The following WDPCP variants were observed in gnomAD, a reference collection of about 807,000 sequenced individuals.
WDPCP encodes the protein WD repeat containing planar cell polarity effector.
WDPCP carries 71 observed loss-of-function variants against 93.1 expected under a neutral mutation model. The ratio of observed to expected loss-of-function variants is 0.76; its 90% CI spans 0.63 to 0.93. The LOEUF is 0.93. Ranked by LOEUF, WDPCP falls within the 40% of genes least tolerant of loss-of-function variation. The pLI, the probability that WDPCP is intolerant of heterozygous loss-of-function variation, is 0.00. For synonymous variants in WDPCP, 315 were observed against 315.0 expected (o/e 1.00, Z 0.00); for missense variants, 844 against 887.4 (o/e 0.95, Z 0.62).
At chr2:63,388,829 C>A (rs924270349) in intron 10 of WDPCP, among the ~76,000 whole-genome samples, 2 of 151,820 alleles carry the variant, frequency 1.3e-5, no homozygotes, top group Non-Finnish European at 2.9e-5. Flanking sequence ...TGAAATAAAA[C>A]GAGAAGACAA....
chr2:63,572,618 G>A (rs1384528799), intron 1 of WDPCP, among the ~76,000 whole-genome samples: 3 of 145,076 alleles, frequency 2.1e-5, no homozygotes, highest in African/African-American at 7.8e-5. Context: ...CAGGAGAATC[G>A]CTTGAACCTG....
rs551343844 is a variant in WDPCP, at chr2:63,172,085, G to A, written c.2078+2585C>T. Among the ~76,000 whole-genome samples, 11 of 152,278 alleles carry A rather than the reference G, an allele frequency of 7.2e-5. No individual in the cohort carries two copies. The South Asian group carries it at 1.9e-3, about 26-fold the overall frequency. On this transcript the variant is annotated intron_variant, in intron 15 of 17. Coordinates refer to ENST00000272321, the MANE Select transcript of WDPCP (RefSeq NM_015910.7). ...CATAAGGGAACTATTTGGGGGTGAT[G>A]GAAATGCTCTAAACCTAAACTGTGG...
chr2:63,778,332 C>T (rs1575770825), intron 2 of WDPCP, among the ~76,000 whole-genome samples: 1 of 152,238 alleles, frequency 6.6e-6, no homozygotes, highest in Non-Finnish European at 1.5e-5. Context: ...CTCAGCCTCC[C>T]AAGTAGCTGG....
chr2:63,529,945 G>A (rs1054946132), intron 1 of WDPCP, among the ~76,000 whole-genome samples: 1 of 152,136 alleles, frequency 6.6e-6, no homozygotes, highest in Non-Finnish European at 1.5e-5. Flanking sequence ...TATGTGTCTA[G>A]GAATTTATCC....
chr2:63,227,085 A>G (rs1256585786), intron 14 of WDPCP, among the ~76,000 whole-genome samples: 1 of 151,952 alleles, frequency 6.6e-6, no homozygotes, highest in Non-Finnish European at 1.5e-5. Flanking sequence ...AAATTTTCCT[A>G]AGGAAAAGGA....
chr2:63,157,228 A>G (rs1672321911), intron 15 of WDPCP, among the ~76,000 whole-genome samples: 1 of 151,846 alleles, frequency 6.6e-6, no homozygotes, highest in African/African-American at 2.4e-5. Context: ...CTAGTATACT[A>G]TTATTTTTAT....
chr2:63,684,428 C>G, intron 2 of WDPCP: 1 of 846,110 alleles, frequency 1.2e-6, no homozygotes, highest in Non-Finnish European at 2.0e-6. Flanking sequence ...ACAGCCACCT[C>G]TGGTGGCTGG....
At chr2:63,807,562 T>C (rs762473204) in intron 2 of WDPCP, among the ~76,000 whole-genome samples, 11 of 152,220 alleles carry the variant, frequency 7.2e-5, no homozygotes. Flanking sequence ...GCCTCAGGTA[T>C]TTCTTTATGG....
At chr2:63,269,029 T>C (rs1682403558) in intron 13 of WDPCP, among the ~76,000 whole-genome samples, 1 of 150,242 alleles carries the variant, frequency 6.7e-6, no homozygotes, top group Non-Finnish European at 1.5e-5. Flanking sequence ...TGTTTAGTCT[T>C]TTTTTTTTAT....
rs549402473 is a variant in WDPCP at position 63,120,725 on chromosome 2, G to A, written c.*1281C>T. The stretch of plus-strand genomic sequence containing the variant: ...TTTTTTTTGTATTTTTAGTAGAGAC[G>A]GGGTTTCACCATGTTGTCTAGGATG... On this transcript the variant is annotated 3_prime_UTR_variant, in exon 18 of 18. Coordinates refer to ENST00000272321, the MANE Select transcript of WDPCP (RefSeq NM_015910.7). Among the ~76,000 whole-genome samples the A allele has an allele frequency of 4.6e-5, 7 of 150,592 alleles. No individual in the cohort carries two copies. The highest frequency in any genetic ancestry group is 2.1e-4 in the South Asian group (1 of 4,748).
intron 10 of WDPCP, among the ~76,000 whole-genome samples, chr2:63,398,367 C>T (rs1693902313): frequency 6.6e-6 from 1 of 152,176 alleles, no homozygotes; most frequent in South Asian, 2.1e-4. Flanking sequence ...ATTATTGCCA[C>T]ATAAAGAGAT....
intron 2 of WDPCP, among the ~76,000 whole-genome samples, chr2:63,661,654 G>T (rs986275458): frequency 1.3e-5 from 2 of 152,176 alleles, no homozygotes; most frequent in Admixed American, 1.3e-4. Flanking sequence ...ACAATGTTCG[G>T]TTGTCAATCT....
At chr2:63,349,010 A>C (rs1013194168) in intron 12 of WDPCP, among the ~76,000 whole-genome samples, 12 of 152,192 alleles carry the variant, frequency 7.9e-5, no homozygotes, top group African/African-American at 2.7e-4. Flanking sequence ...TCTCATGGCC[A>C]CTTATGGAAA....
chr2:63,448,704 T>C (rs1199623878), intron 6 of WDPCP, among the ~76,000 whole-genome samples: 1 of 152,182 alleles, frequency 6.6e-6, no homozygotes, highest in Non-Finnish European at 1.5e-5. Flanking sequence ...AATTCTGTCA[T>C]TTGTGAGAAC....
chr2:63,606,209 C>T (rs1464336364), intron 3 of WDPCP, among the ~76,000 whole-genome samples: 1 of 152,068 alleles, frequency 6.6e-6, no homozygotes, highest in Admixed American at 6.6e-5. Flanking sequence ...TAGTGAGACC[C>T]CCTCTCTGCA....
At chr2:63,340,991 A>T (rs1688795061) in intron 12 of WDPCP, among the ~76,000 whole-genome samples, 1 of 151,972 alleles carries the variant, frequency 6.6e-6, no homozygotes, top group Admixed American at 6.6e-5. Flanking sequence ...TGACAATGTG[A>T]TTTCTTCTGG....
At chr2:63,797,995 A>G (rs1670640888) in intron 2 of WDPCP, among the ~76,000 whole-genome samples, 1 of 152,242 alleles carries the variant, frequency 6.6e-6, no homozygotes, top group Non-Finnish European at 1.5e-5. Context: ...TTTTCAGTGG[A>G]AACCTTACAG....
chr2:63,383,903 T>C (rs1299579577), intron 10 of WDPCP, among the ~76,000 whole-genome samples: 2 of 152,120 alleles, frequency 1.3e-5, no homozygotes, highest in Admixed American at 1.3e-4. Flanking sequence ...AGTGCACACA[T>C]AACACAGACC....
chr2:63,827,057 C>T (rs1671123225), intron 1 of WDPCP, among the ~76,000 whole-genome samples: 1 of 152,082 alleles, frequency 6.6e-6, no homozygotes. Flanking sequence ...ATCTTTCTTC[C>T]TTGTAAGTCA....
Sources: gnomAD v4.1 joint callset for allele counts (sites outside exome capture counted in the v4.1 genomes callset) on GRCh38, gnomAD v4.1.1 for gene constraint, MANE v1.5 for transcripts, NCBI Gene and HGNC (gene_info 2026-07-23, HGNC 2026-07-21) for gene names.